Variants in ZNF521 observed in about 807,000 individuals in gnomAD.
ZNF521 encodes the protein LYST-interacting protein 3.
ZNF521 carries 14 observed loss-of-function variants against 105.5 expected under a neutral mutation model. The observed-to-expected ratio is 0.13, with a 90% confidence interval of 0.09 to 0.21. The LOEUF (loss-of-function observed/expected upper bound fraction) is 0.21. Among genes scored for constraint, ZNF521 ranks in the 10% least tolerant of loss-of-function variants. ZNF521 has a pLI of 1.00. For missense variants in ZNF521, 1,233 were observed against 1,629.7 expected (o/e 0.76, Z 4.19); for synonymous variants, 635 against 606.0 (o/e 1.05, Z -0.70).
In ZNF521 at chr18:25,227,249, A is replaced by C. The variant is rs781572168; in HGVS notation, c.669T>G (p.Val223=). 1 of 1,614,124 alleles carries C rather than the reference A, an allele frequency of 6.2e-7. No individual in the cohort carries two copies. The highest frequency in any genetic ancestry group is 1.1e-5 in the South Asian group (1 of 91,084). The change falls in exon 4 of 8, where the codon GTT becomes GTG. Residue 223 remains valine (V), a synonymous_variant. Transcript: ENST00000361524. The surrounding 1 kb of genome is among the most constrained non-coding windows in gnomAD (Gnocchi z 5.7). ...SSSSLHGHMQ[V]HERNKDGSQS... ...GAGAGCCGTCCTTGTTCCTCTCATG[A>C]ACCTGCATGTGTCCGTGTAAGGAAC...
At chr18:25,067,399 T>G (rs989322294) in intron 7 of ZNF521, among the ~76,000 whole-genome samples, 2 of 152,192 alleles carry the variant, frequency 1.3e-5, no homozygotes, top group Non-Finnish European at 2.9e-5. Flanking sequence ...AAAAATTCCC[T>G]TCTAGCACTA....
At chr18:25,232,643 AC>A (rs1361026819) in intron 3 of ZNF521, among the ~76,000 whole-genome samples, 3 of 152,216 alleles carry the variant, frequency 2.0e-5, no homozygotes, top group Non-Finnish European at 2.9e-5. Context: ...AAATTATCAA[AC>A]ATGGGATATA....
rs191260173 is a variant in ZNF521 at position 25,291,923 on chromosome 18, C to T, written c.220+30085G>A. 1.2e-4 allele frequency among the ~76,000 whole-genome samples: 18 copies of T among 150,444 alleles called. No homozygotes were observed. The East Asian group carries it at 3.3e-3, about 28-fold the overall frequency. ...ATTCCAGTCATTTGGAAGTTCCAAT[C>T]ATTGCACCAAGAAAAAAAAAAATCA... On this transcript the variant is annotated intron_variant, in intron 3 of 7. Transcript: ENST00000361524.
Position 25,227,509 on chromosome 18 carries a change from C to T in ZNF521, c.409G>A (p.Glu137Lys), listed in dbSNP as rs762549593. The T allele has an allele frequency of 6.2e-7, 1 of 1,614,096 alleles. No individual in the cohort carries two copies. Among genetic ancestry groups the T allele is most frequent in the Non-Finnish European group, 8.5e-7 (1 of 1,180,020 alleles). ...GGCAGTTTGTCACTGTGACTCTGCT[C>T]ATGGTGCTTTAGGTAGCTGAGGCGG... ...FSRLSYLKHH[E>K]QSHSDKLPFK... is the part of the protein sequence containing the mutation. The change falls in exon 4 of 8, where the codon GAG becomes AAG. Residue 137 changes from glutamate (E) to lysine (K), a missense_variant. This residue lies in a region of ZNF521 where 85 missense variants were observed against 162.2 expected (regional missense o/e 0.52). Transcript: ENST00000361524. The surrounding 1 kb of genome is among the most constrained non-coding windows in gnomAD (Gnocchi z 5.7).
chr18:25,309,997 T>C (rs1479805307), intron 3 of ZNF521, among the ~76,000 whole-genome samples: 1 of 152,198 alleles, frequency 6.6e-6, no homozygotes, highest in Non-Finnish European at 1.5e-5. Flanking sequence ...GCAAGAATGA[T>C]AGAGATAGGT....
intron 2 of ZNF521, chr18:25,327,638 G>A (rs1197267831): frequency 3.8e-6 from 2 of 521,202 alleles, no homozygotes; most frequent in Admixed American, 3.9e-5. Flanking sequence ...AAACCAAAGG[G>A]CGGGATCATT....
intron 3 of ZNF521, among the ~76,000 whole-genome samples, chr18:25,263,191 C>A (rs1909027544): frequency 6.6e-6 from 1 of 152,126 alleles, no homozygotes; most frequent in South Asian, 2.1e-4. Context: ...ATTAAAGCAT[C>A]CAGAATTAGA....
chr18:25,351,320 T>C (rs897282722), intron 1 of ZNF521: 3 of 145,230 alleles, frequency 2.1e-5, no homozygotes, highest in South Asian at 2.1e-4. Flanking sequence ...TCAGCTACAC[T>C]AAAAAGAGAA....
chr18:25,113,047 G>T (rs550644332), intron 5 of ZNF521, among the ~76,000 whole-genome samples: 3 of 142,148 alleles, frequency 2.1e-5, no homozygotes, highest in Non-Finnish European at 4.7e-5. Context: ...CACCATGCTG[G>T]CCATTCTAAT....
intron 5 of ZNF521, among the ~76,000 whole-genome samples, chr18:25,189,584 T>C (rs1285579418): frequency 2.0e-5 from 3 of 152,208 alleles, no homozygotes; most frequent in African/African-American, 7.2e-5. Context: ...CTTGCTGTCA[T>C]TGGCAAGCGT....
intron 3 of ZNF521, among the ~76,000 whole-genome samples, chr18:25,308,383 T>TACAA (rs1197561867): frequency 6.6e-6 from 1 of 152,136 alleles, no homozygotes; most frequent in Non-Finnish European, 1.5e-5. Context: ...GTTGTTTTTA[T>TACAA]ACAAAAACTT....
intron 2 of ZNF521, among the ~76,000 whole-genome samples, chr18:25,341,413 C>G (rs968453870): frequency 6.6e-6 from 1 of 152,138 alleles, no homozygotes; most frequent in Non-Finnish European, 1.5e-5. Flanking sequence ...TTAAAGGATG[C>G]CTTAAATTCT....
intron 5 of ZNF521, among the ~76,000 whole-genome samples, chr18:25,194,542 A>G (rs1414288541): frequency 6.6e-6 from 1 of 151,734 alleles, no homozygotes; most frequent in East Asian, 1.9e-4. Context: ...TCCTAAAAAC[A>G]ATGGCCTGGA....
chr18:25,133,785 A>C (rs1382279464), intron 5 of ZNF521, among the ~76,000 whole-genome samples: 1 of 151,978 alleles, frequency 6.6e-6, no homozygotes, highest in African/African-American at 2.4e-5. Context: ...TCAACATTCT[A>C]TTACTTAGGG....
intron 4 of ZNF521, among the ~76,000 whole-genome samples, chr18:25,205,036 C>A (rs2036054363): frequency 6.7e-6 from 1 of 149,244 alleles, no homozygotes; most frequent in Non-Finnish European, 1.5e-5. Context: ...TTACCTAAGA[C>A]TGGTCTATTT....
intron 5 of ZNF521, among the ~76,000 whole-genome samples, chr18:25,100,092 C>CTT (rs1340389796): frequency 7.1e-6 from 1 of 139,878 alleles, no homozygotes; most frequent in East Asian, 2.1e-4. Flanking sequence ...TTCTTTCTTT[C>CTT]TTTTTTTTTT....
chr18:25,233,862 G>T (rs1257670052), intron 3 of ZNF521, among the ~76,000 whole-genome samples: 1 of 152,154 alleles, frequency 6.6e-6, no homozygotes, highest in African/African-American at 2.4e-5. Context: ...GCAGGGAGAA[G>T]TATAAATGTT....
At chr18:25,250,785 C>T (rs1908065986) in intron 3 of ZNF521, among the ~76,000 whole-genome samples, 1 of 152,166 alleles carries the variant, frequency 6.6e-6, no homozygotes, top group South Asian at 2.1e-4. Flanking sequence ...TCCAACATAT[C>T]ATTTAGCCAT....
Position 25,089,721 on chromosome 18 carries a change from G to A in ZNF521, c.3791-141C>T, listed in dbSNP as rs1052975251. The A allele has an allele frequency of 1.9e-5, 13 of 676,030 alleles. No homozygotes were observed. The African/African-American group carries it at 2.1e-4, about 11-fold the overall frequency. 41.9% of individuals were successfully genotyped at this position (676,030 alleles called of 1,614,324 possible). A position where few individuals can be genotyped will look rare whatever the true frequency, so the allele number is the denominator to read the frequency against. On this transcript the variant is annotated intron_variant, in intron 6 of 7. Transcript: ENST00000361524. ...CTGCCTGAGACCTGGGGAGAGCTGAGTCACATTTGCTCATGGTTGGGTCTC... is the reference window on the plus strand; with the variant it reads ...CTGCCTGAGACCTGGGGAGAGCTGAATCACATTTGCTCATGGTTGGGTCTC...
Sources: allele counts gnomAD v4.1 joint callset (sites outside exome capture counted in the v4.1 genomes callset), GRCh38; gene constraint gnomAD v4.1.1; regional missense constraint gnomAD v4.1.1; non-coding constraint Gnocchi (gnomAD v3.1); transcripts MANE v1.5; gene names NCBI Gene and HGNC (gene_info 2026-07-23, HGNC 2026-07-21).